The following SMKR1 variants were observed in gnomAD, a reference collection of about 807,000 sequenced individuals.
SMKR1 encodes small lysine rich protein 1, also known as small lysine-rich protein 1.
Under a neutral mutation model 4.0 loss-of-function variants are expected in SMKR1, and 4 were observed. That is an observed-to-expected ratio of 1.00 (90% CI 0.49 to 2.30). The LOEUF (loss-of-function observed/expected upper bound fraction) is 2.30, where lower values mean the gene tolerates loss of function less well. Ranked by LOEUF, SMKR1 falls within the 30% of genes most tolerant of loss-of-function variation. The probability of loss-of-function intolerance (pLI) is 0.02; values close to 1 mark genes in which losing one functional copy is unlikely to be tolerated. For missense variants in SMKR1, 56 were observed against 81.8 expected (o/e 0.68, Z 1.22); for synonymous variants, 38 against 32.5 (o/e 1.17, Z -0.58).
chr7:129,506,247 T>C (rs572499003), intron 1 of SMKR1, among the ~76,000 whole-genome samples: 10 of 152,206 alleles, frequency 6.6e-5, no homozygotes, highest in African/African-American at 1.9e-4. Flanking sequence ...CGAGACCTGC[T>C]TGGGCACCAT....
At chr7:129,503,534 G>A (rs1324684203) in intron 1 of SMKR1, among the ~76,000 whole-genome samples, 2 of 152,180 alleles carry the variant, frequency 1.3e-5, no homozygotes, top group Admixed American at 6.5e-5. Context: ...CTAAACCCGC[G>A]TTCTTCTGGA....
chr7:129,507,272 C>G (rs2151027762), intron 1 of SMKR1, among the ~76,000 whole-genome samples: 1 of 152,270 alleles, frequency 6.6e-6, no homozygotes, highest in East Asian at 1.9e-4. Context: ...ACCTCGGACT[C>G]CCAAAGTGCT....
intron 1 of SMKR1, among the ~76,000 whole-genome samples, chr7:129,506,016 G>A (rs1319968119): frequency 6.6e-6 from 1 of 152,278 alleles, no homozygotes; most frequent in East Asian, 1.9e-4. Context: ...GAAAAGCCAA[G>A]AGCCACAAAG....
chr7:129,502,727 C>T lies in SMKR1; in HGVS notation c.-98C>T. The T allele has an allele frequency of 6.6e-7, 1 of 1,520,702 alleles. No individual in the cohort carries two copies. The highest frequency in any genetic ancestry group is 8.8e-7 in the Non-Finnish European group (1 of 1,134,896). The allele number at this position is 1,520,702 out of a possible 1,614,324, so 94.2% of individuals were successfully genotyped here. On this transcript the variant is annotated 5_prime_UTR_variant, in exon 1 of 2. Coordinates refer to ENST00000462322, the MANE Select transcript of SMKR1 (RefSeq NM_001195243.2). ...GAGGGCCGAGAAGGGGCCGGGGGTGCTAGGGGAACGGGCGCTGGGGGCAGC... is the reference window on the plus strand; with the variant it reads ...GAGGGCCGAGAAGGGGCCGGGGGTGTTAGGGGAACGGGCGCTGGGGGCAGC...
intron 1 of SMKR1, among the ~76,000 whole-genome samples, chr7:129,509,805 C>T (rs890548867): frequency 1.1e-4 from 16 of 152,222 alleles, no homozygotes; most frequent in Non-Finnish European, 2.2e-4. Flanking sequence ...TCCCAAAGTG[C>T]TGGGATTACA....
At chr7:129,507,279 T>G (rs939293750) in intron 1 of SMKR1, among the ~76,000 whole-genome samples, 1 of 152,194 alleles carries the variant, frequency 6.6e-6, no homozygotes, top group Non-Finnish European at 1.5e-5. Flanking sequence ...ACTCCCAAAG[T>G]GCTGGGATTA....
At chr7:129,507,111 G>A (rs1258150282) in intron 1 of SMKR1, among the ~76,000 whole-genome samples, 2 of 151,818 alleles carry the variant, frequency 1.3e-5, no homozygotes, top group Non-Finnish European at 2.9e-5. Flanking sequence ...CGCCTCCTGG[G>A]TTCACACCAT....
chr7:129,502,680 G>A lies in SMKR1; in HGVS notation c.-145G>A. Reference sequence around the variant, plus strand: ...CGTGGCGGGGAGGCGTAGTGAGGCTGGGCCCGTGGCGGTTCCCTGAGGAGG... The same window carrying A: ...CGTGGCGGGGAGGCGTAGTGAGGCTAGGCCCGTGGCGGTTCCCTGAGGAGG... On this transcript the variant is annotated 5_prime_UTR_variant, in exon 1 of 2. Transcript: ENST00000462322. 5 of 1,258,612 alleles carry A rather than the reference G, an allele frequency of 4.0e-6. No individual in the cohort carries two copies. The South Asian group carries it at 6.7e-5, about 17-fold the overall frequency. The allele number at this position is 1,258,612 out of a possible 1,614,324, so 78.0% of individuals were successfully genotyped here.
At chr7:129,504,782 T>A (rs935340861) in intron 1 of SMKR1, among the ~76,000 whole-genome samples, 2 of 152,166 alleles carry the variant, frequency 1.3e-5, no homozygotes, top group African/African-American at 4.8e-5. Flanking sequence ...TCAAACTGGG[T>A]GCAAGTGATC....
intron 1 of SMKR1, among the ~76,000 whole-genome samples, chr7:129,510,334 GA>G (rs1343699986): frequency 6.6e-6 from 1 of 152,222 alleles, no homozygotes; most frequent in Non-Finnish European, 1.5e-5. Context: ...GAGCCTGGTG[GA>G]CACTGGTTTC....
At chr7:129,505,826 T>G (rs1799459633) in intron 1 of SMKR1, among the ~76,000 whole-genome samples, 1 of 152,066 alleles carries the variant, frequency 6.6e-6, no homozygotes, top group African/African-American at 2.4e-5. Context: ...GAGGCTAGCG[T>G]AAAGAGAAGC....
intron 1 of SMKR1, among the ~76,000 whole-genome samples, chr7:129,509,299 G>T (rs1402691706): frequency 6.6e-6 from 1 of 152,056 alleles, no homozygotes; most frequent in Non-Finnish European, 1.5e-5. Context: ...GGCAACAAGA[G>T]CAAGACTCCG....
chr7:129,507,018 A>ATT (rs1272812801), intron 1 of SMKR1, among the ~76,000 whole-genome samples: 4 of 139,950 alleles, frequency 2.9e-5, no homozygotes, highest in Non-Finnish European at 6.3e-5. Flanking sequence ...CATCTGACTA[A>ATT]TTTTTTTTTT....
chr7:129,512,631 C>CTAAAA lies in SMKR1; in HGVS notation c.*190_*191insTAAAA. On this transcript the variant is annotated 3_prime_UTR_variant, in exon 2 of 2. Coordinates refer to ENST00000462322, the MANE Select transcript of SMKR1 (RefSeq NM_001195243.2). ...CCTCTGTTATGCCAGATATGGTTAG[C>CTAAAA]CACTTTGGTTTTTTAGGAGCTATAG... 1.6e-6 allele frequency: 1 copy of CTAAAA among 618,016 alleles called. No homozygotes were observed. The highest frequency in any genetic ancestry group is 2.6e-6 in the Non-Finnish European group (1 of 385,414). The allele number at this position is 618,016 out of a possible 1,614,324, so 38.3% of individuals were successfully genotyped here.
intron 1 of SMKR1, among the ~76,000 whole-genome samples, chr7:129,511,515 T>C (rs191879302): frequency 2.1e-3 from 321 of 152,356 alleles, no homozygotes; most frequent in African/African-American, 7.2e-3. Context: ...TTACTAATAA[T>C]TCCTTGACAT....
At chr7:129,509,836 G>C (rs1014465104) in intron 1 of SMKR1, among the ~76,000 whole-genome samples, 1 of 152,198 alleles carries the variant, frequency 6.6e-6, no homozygotes, top group Non-Finnish European at 1.5e-5. Context: ...AGCGCGCCCG[G>C]CCTATTTTAG....
chr7:129,504,966 C>T (rs1360502834), intron 1 of SMKR1, among the ~76,000 whole-genome samples: 1 of 152,220 alleles, frequency 6.6e-6, no homozygotes, highest in African/African-American at 2.4e-5. Context: ...CTTTGCTCCC[C>T]ATCTAATACA....
chr7:129,507,353 T>G (rs1426788699), intron 1 of SMKR1, among the ~76,000 whole-genome samples: 1 of 152,100 alleles, frequency 6.6e-6, no homozygotes, highest in East Asian at 1.9e-4. Context: ...TCCCATTTTG[T>G]TGCCGGGGCT....
rs1799423137 is a variant in SMKR1 at position 129,502,719 on chromosome 7, C to CG, written c.-101dup. The CG allele has an allele frequency of 1.3e-5, 19 of 1,503,758 alleles. No individual in the cohort carries two copies. The highest frequency in any genetic ancestry group is 1.7e-5 in the Non-Finnish European group (19 of 1,120,160). The allele number at this position is 1,503,758 out of a possible 1,614,324, so 93.2% of individuals were successfully genotyped here. The stretch of plus-strand genomic sequence containing the variant: ...TCCCTGAGGAGGGCCGAGAAGGGGC[C>CG]GGGGGTGCTAGGGGAACGGGCGCTG... On this transcript the variant is annotated 5_prime_UTR_variant, in exon 1 of 2. Coordinates refer to ENST00000462322, the MANE Select transcript of SMKR1 (RefSeq NM_001195243.2).
Sources: allele counts gnomAD v4.1 joint callset (sites outside exome capture counted in the v4.1 genomes callset), GRCh38; gene constraint gnomAD v4.1.1; transcripts MANE v1.5; gene names NCBI Gene and HGNC (gene_info 2026-07-23, HGNC 2026-07-21).